Variants in MTRR observed in about 807,000 individuals in gnomAD.
The protein encoded by MTRR is methionine synthase reductase.
A neutral mutation model predicts 79.2 loss-of-function variants in MTRR; 63 were observed. That is an observed-to-expected ratio of 0.80 (90% confidence interval 0.65 to 0.98). The LOEUF is 0.98. Ranked by LOEUF, MTRR falls within the 50% of genes least tolerant of loss-of-function variation. The probability of loss-of-function intolerance (pLI) is 0.00; values close to 1 mark genes in which losing one functional copy is unlikely to be tolerated. For synonymous variants in MTRR, 355 were observed against 313.3 expected (o/e 1.13, Z -1.41); for missense variants, 895 against 839.6 (o/e 1.07, Z -0.82).
At chr5:7,851,204 T>A in exon 1 of MTRR, 2 of 610,106 alleles carry the variant, frequency 3.3e-6, no homozygotes, top group Non-Finnish European at 2.4e-6. Flanking sequence ...CGCTCCAGGG[T>A]GGAGCGACCC....
In MTRR at chr5:7,878,120, TTC is replaced by T; in HGVS notation, c.580_581del (p.Leu194GlufsTer4). 1 of 1,614,130 alleles carries T rather than the reference TTC, an allele frequency of 6.2e-7. No individual in the cohort carries two copies. Among genetic ancestry groups the T allele is most frequent in the Non-Finnish European group, 8.5e-7 (1 of 1,180,024 alleles). The stretch of plus-strand genomic sequence containing the variant: ...CTACACATTGAATCTCAAGTCGAGC[TTC>T]TGAGATTCGATGATTCAGGAAGAAA... On this transcript the variant is annotated frameshift_variant, in exon 5 of 15. Transcript: ENST00000440940. LOFTEE classifies it high-confidence loss of function.
intron 5 of MTRR, among the ~76,000 whole-genome samples, chr5:7,882,450 C>T (rs1175384538): frequency 6.6e-6 from 1 of 152,124 alleles, no homozygotes; most frequent in Non-Finnish European, 1.5e-5. Context: ...TCCCAGACAC[C>T]CAGAACTGAC....
chr5:7,860,302 C>T (rs1250078351), intron 1 of MTRR, among the ~76,000 whole-genome samples: 4 of 152,170 alleles, frequency 2.6e-5, no homozygotes, highest in Admixed American at 6.5e-5. Context: ...CTCATTCTCA[C>T]GCACTGCTGA....
At chr5:7,861,304 T>C in intron 1 of MTRR, 1 of 1,138,468 alleles carries the variant, frequency 8.8e-7, no homozygotes. Flanking sequence ...ATTTTTTAAA[T>C]AATCCAAAAT....
At position 7,883,190 on chromosome 5, in the gene MTRR, A is replaced by G; in HGVS notation, c.816A>G (p.Pro272=). The G allele has an allele frequency of 3.1e-6, 5 of 1,614,218 alleles. No individual in the cohort carries two copies. The highest frequency in any genetic ancestry group is 4.2e-6 in the Non-Finnish European group (5 of 1,180,016). Residue 272 remains proline, a synonymous_variant, in exon 6 of 15, where the codon CCA becomes CCG. Transcript: ENST00000440940. The stretch of plus-strand genomic sequence containing the variant: ...AAGTATCTGTGACTTCAGCAGATCC[A>G]GTTTTTCAAGTGCCAATTTCAAAGG... The part of the protein sequence containing the change: ...ESQVSVTSAD[P]VFQVPISKAV...
At chr5:7,891,563 A>C (rs1333345486) in intron 10 of MTRR, 149 bp downstream of exon 10, 2 of 675,026 alleles carry the variant, frequency 3.0e-6, no homozygotes, top group African/African-American at 3.6e-5. Context: ...CAGAAGAAGA[A>C]TCATAGAGCT....
At chr5:7,893,375 C>T (rs774900505) in intron 11 of MTRR, 10 of 170,640 alleles carry the variant, frequency 5.9e-5, no homozygotes, top group Non-Finnish European at 1.1e-4. Flanking sequence ...GTAGGGTCCC[C>T]GCATCCCTGT....
intron 3 of MTRR, 46 bp downstream of exon 3, chr5:7,873,572 T>C (rs1166507307): frequency 6.3e-7 from 1 of 1,595,554 alleles, no homozygotes; most frequent in African/African-American, 1.3e-5. Context: ...ACTATTGATA[T>C]CTCTGGTATC....
chr5:7,873,282 A>T, intron 2 of MTRR, 91 bp from the exon 3 acceptor site: 1 of 1,522,964 alleles, frequency 6.6e-7, no homozygotes, highest in Non-Finnish European at 9.1e-7. Flanking sequence ...TTGAAATACA[A>T]GACAGGAAAC....
intron 5 of MTRR, among the ~76,000 whole-genome samples, chr5:7,881,583 C>T (rs1735605545): frequency 6.6e-6 from 1 of 152,112 alleles, no homozygotes; most frequent in African/African-American, 2.4e-5. Flanking sequence ...TTAAGGGAAT[C>T]TGAGTATTCA....
chr5:7,875,401 C>G (rs201041170), intron 4 of MTRR, 26 bp downstream of exon 4: 452 of 1,507,268 alleles, frequency 3.0e-4, no homozygotes, highest in Non-Finnish European at 3.9e-4. Context: ...TCTGTTTACT[C>G]CAATAAGCCC....
At chr5:7,853,976 A>G (rs1243255875) in intron 1 of MTRR, among the ~76,000 whole-genome samples, 1 of 152,232 alleles carries the variant, frequency 6.6e-6, no homozygotes, top group Non-Finnish European at 1.5e-5. Context: ...GATGCAGGGC[A>G]GGTTACCAGA....
upstream of MTRR, among the ~76,000 whole-genome samples, chr5:7,864,812 GA>G (rs199812613): frequency 4.1e-5 from 6 of 145,564 alleles, no homozygotes; most frequent in Non-Finnish European, 8.8e-5. Flanking sequence ...AACTATTAGG[GA>G]AAAAAAATCT....
rs12347 is a variant in MTRR at position 7,897,170 on chromosome 5, G to A, written c.1875G>A (p.Val625=). The change falls in exon 14 of 15, where the codon GTG becomes GTA. Residue 625 remains valine (V), a synonymous_variant. Coordinates refer to ENST00000440940, the MANE Select transcript of MTRR (RefSeq NM_002454.3). ...VGEEEAPAKY[V]QDNIQLHGQQ... Reference sequence around the variant, plus strand: ...AGGAGGAAGCCCCAGCAAAGTATGTGCAAGACAACATCCAGCTTCATGGCC... The same window carrying A: ...AGGAGGAAGCCCCAGCAAAGTATGTACAAGACAACATCCAGCTTCATGGCC... 222,043 of 1,613,920 alleles carry A rather than the reference G, an allele frequency of 0.14. 20,054 individuals carry two copies. Among genetic ancestry groups the A allele is most frequent in the African/African-American group, 0.38 (28,504 of 74,942 alleles).
intron 1 of MTRR, among the ~76,000 whole-genome samples, chr5:7,852,170 A>G (rs1746095707): frequency 6.6e-6 from 1 of 152,194 alleles, no homozygotes; most frequent in Non-Finnish European, 1.5e-5. Flanking sequence ...GATCTTACAG[A>G]TGATGGAAGG....
At chr5:7,899,149 C>A (rs1370204912) in intron 14 of MTRR, among the ~76,000 whole-genome samples, 1 of 152,110 alleles carries the variant, frequency 6.6e-6, no homozygotes, top group Non-Finnish European at 1.5e-5. Flanking sequence ...AACATCAAGC[C>A]ATTCATGAGG....
intron 1 of MTRR, chr5:7,869,771 G>A (rs79227708): frequency 0.041 from 7,060 of 171,760 alleles, 315 homozygotes; most frequent in East Asian, 0.21. Flanking sequence ...TTGATCCTGG[G>A]AAGCCCTCAG....
chr5:7,883,206 A>G lies in MTRR; in HGVS notation c.832A>G (p.Ile278Val), dbSNP rs1377146830. The G allele has an allele frequency of 3.7e-6, 6 of 1,614,102 alleles. No individual in the cohort carries two copies. Among genetic ancestry groups the G allele is most frequent in the Admixed American group, 3.3e-5 (2 of 60,002 alleles). Reference protein sequence around the residue: ...TSADPVFQVPISKAVQLTTND... With the variant: ...TSADPVFQVPVSKAVQLTTND... Reference sequence around the variant, plus strand: ...AGCAGATCCAGTTTTTCAAGTGCCAATTTCAAAGGCAGTTCAACTTACTAC... The same window carrying G: ...AGCAGATCCAGTTTTTCAAGTGCCAGTTTCAAAGGCAGTTCAACTTACTAC... The change falls in exon 6 of 15, where the codon ATT becomes GTT. Residue 278 changes from isoleucine to valine, a missense_variant. Transcript: ENST00000440940.
chr5:7,889,359 TGC>T, intron 9 of MTRR, 84 bp downstream of exon 9: 1 of 1,465,608 alleles, frequency 6.8e-7, no homozygotes, highest in Middle Eastern at 2.4e-4. Flanking sequence ...GAAAATTTGC[TGC>T]TCTTGTCTTA....
Sources: allele counts gnomAD v4.1 joint callset (sites outside exome capture counted in the v4.1 genomes callset), GRCh38; gene constraint gnomAD v4.1.1; transcripts MANE v1.5; gene names NCBI Gene and HGNC (gene_info 2026-07-23, HGNC 2026-07-21).